Variants in TMEM165 observed in about 807,000 individuals in gnomAD.
The protein encoded by TMEM165 is putative divalent cation/proton antiporter TMEM165.
In TMEM165, 19 loss-of-function variants were observed where a neutral mutation model predicts 30.0. The ratio of observed to expected loss-of-function variants is 0.63; its 90% CI spans 0.44 to 0.93. The LOEUF (loss-of-function observed/expected upper bound fraction) is 0.93. Ranked by LOEUF, TMEM165 falls within the 40% of genes least tolerant of loss-of-function variation. The pLI, the probability that TMEM165 is intolerant of heterozygous loss-of-function variation, is 0.00. For missense variants in TMEM165, 340 were observed against 417.0 expected (o/e 0.82, Z 1.61); for synonymous variants, 168 against 162.9 (o/e 1.03, Z -0.24).
chr4:55,435,958 G>C (rs1246341273), intron 3 of TMEM165, among the ~76,000 whole-genome samples: 1 of 152,126 alleles, frequency 6.6e-6, no homozygotes, highest in Non-Finnish European at 1.5e-5. Context: ...AATACTCTGA[G>C]GCCAGACAGA....
chr4:55,451,489 T>G (rs12500601), intron 3 of TMEM165, among the ~76,000 whole-genome samples: 48,790 of 151,938 alleles, frequency 0.32, 8,194 homozygotes, highest in East Asian at 0.59. Flanking sequence ...TCAAAATTCA[T>G]GATTTTGAAA....
At chr4:55,402,665 C>A (rs1721072677) in intron 1 of TMEM165, among the ~76,000 whole-genome samples, 1 of 145,400 alleles carries the variant, frequency 6.9e-6, no homozygotes, top group Non-Finnish European at 1.5e-5. Context: ...CCAGGCTGGT[C>A]TCAAGCTCCC....
rs1456047148 is a variant in TMEM165 at position 55,401,548 on chromosome 4, TATC to T, written c.207+5155_207+5157del. Reference sequence around the variant, plus strand: ...TACCTGACTCAGTGCCTGTTCTTGTTATCATATTTTTACTTTATGTTTTGGTAT... The same window carrying T: ...TACCTGACTCAGTGCCTGTTCTTGTTATATTTTTACTTTATGTTTTGGTAT... On this transcript the variant is annotated intron_variant, in intron 1 of 5. Coordinates refer to ENST00000381334, the MANE Select transcript of TMEM165 (RefSeq NM_018475.5). Among the ~76,000 whole-genome samples the T allele has an allele frequency of 1.3e-5, 2 of 150,760 alleles. 1 individual carries two copies. The highest frequency in any genetic ancestry group is 5.0e-5 in the African/African-American group (2 of 40,058).
At position 55,425,431 on chromosome 4, in the gene TMEM165, A is replaced by C; in HGVS notation, c.954A>C (p.Ile318=). 6 of 1,609,642 alleles carry C rather than the reference A, an allele frequency of 3.7e-6. No homozygotes were observed. The highest frequency in any genetic ancestry group is 5.1e-6 in the Non-Finnish European group (6 of 1,178,700). The change falls in exon 6 of 6, where the codon ATA becomes ATC. Residue 318 remains isoleucine, a synonymous_variant. Transcript: ENST00000381334. ...CGTTTGCATTTTCTGCACTATTTAT[A>C]AGCCCTGATTCTGGTTTTTAACAAG... ...FLAFAFSALF[I]SPDSGF
At chr4:55,449,262 G>GTT (rs1330140876) in intron 3 of TMEM165, 1 of 764,546 alleles carries the variant, frequency 1.3e-6, no homozygotes, top group Non-Finnish European at 2.2e-6. Flanking sequence ...GAAGTCTTAA[G>GTT]TAAGTGTCAC....
chr4:55,408,500 TTA>T (rs975540611), intron 1 of TMEM165, among the ~76,000 whole-genome samples: 7 of 152,144 alleles, frequency 4.6e-5, no homozygotes, highest in African/African-American at 1.7e-4. Context: ...TTGTAACATT[TTA>T]TATATATAAA....
intron 3 of TMEM165, chr4:55,444,703 A>G (rs1320960358): frequency 6.2e-7 from 1 of 1,614,084 alleles, no homozygotes; most frequent in Admixed American, 1.7e-5. Flanking sequence ...TTGCCGATGA[A>G]TATTTGCTTC....
At position 55,424,854 on chromosome 4, in the gene TMEM165, G is replaced by A. The variant is rs374866141; in HGVS notation, c.898+211G>A. On this transcript the variant is annotated intron_variant, in intron 5 of 5. Coordinates refer to ENST00000381334, the MANE Select transcript of TMEM165 (RefSeq NM_018475.5). ...AGCAAAATACAAAGTCATTTTTATC[G>A]AATTCATAGTAGCTTCTTGTTAACA... is the stretch of plus-strand genomic sequence containing the variant. 68 of 519,882 alleles carry A rather than the reference G, an allele frequency of 1.3e-4. No homozygotes were observed. The South Asian group carries it at 1.6e-3, about 12-fold the overall frequency. The allele number at this position is 519,882 out of a possible 1,614,324, so 32.2% of individuals were successfully genotyped here.
intron 3 of TMEM165, chr4:55,448,768 C>T (rs755471953): frequency 6.2e-7 from 1 of 1,611,226 alleles, no homozygotes; most frequent in Non-Finnish European, 8.5e-7. Context: ...GAAACAAAAA[C>T]CAAAAAGTAC....
chr4:55,435,161 C>T, intron 3 of TMEM165: 1 of 500,288 alleles, frequency 2.0e-6, no homozygotes. Flanking sequence ...CTTTTTCCAT[C>T]AAAAAATATC....
downstream of TMEM165, chr4:55,429,161 T>G (rs992628163): frequency 2.0e-5 from 3 of 147,540 alleles, no homozygotes; most frequent in African/African-American, 7.5e-5. Flanking sequence ...TTATAAACAT[T>G]TGAATGTCAT....
chr4:55,439,944 G>A (rs11133379), intron 3 of TMEM165, among the ~76,000 whole-genome samples: 88,789 of 151,828 alleles, frequency 0.58, 27,554 homozygotes, highest in South Asian at 0.81. Flanking sequence ...ATCGTACTCA[G>A]TGACAATGAA....
At chr4:55,424,431 T>C (rs1385251152) in intron 4 of TMEM165, 107 bp from the exon 5 acceptor site, 7 of 677,518 alleles carry the variant, frequency 1.0e-5, no homozygotes, top group South Asian at 3.5e-5. Flanking sequence ...ATAACTATTA[T>C]GCTTTTTAAT....
At chr4:55,423,616 TCTCA>T (rs960937886) in intron 4 of TMEM165, 4 of 152,312 alleles carry the variant, frequency 2.6e-5, no homozygotes, top group African/African-American at 9.7e-5. Flanking sequence ...AGAGACAAGG[TCTCA>T]CTGTGTTGCC....
chr4:55,424,732 C>A, intron 5 of TMEM165, 89 bp downstream of exon 5: 2 of 862,266 alleles, frequency 2.3e-6, no homozygotes, highest in South Asian at 1.6e-5. Flanking sequence ...ATTTCTGCTG[C>A]TGAAGTATAC....
intron 3 of TMEM165, chr4:55,434,106 G>GACACCC (rs1247253750): frequency 6.6e-6 from 1 of 152,570 alleles, no homozygotes; most frequent in African/African-American, 2.4e-5. Flanking sequence ...TAATGACACT[G>GACACCC]ACACCCACAT....
At chr4:55,438,484 C>A (rs760550527) in intron 3 of TMEM165, 7 of 1,613,778 alleles carry the variant, frequency 4.3e-6, no homozygotes, top group Non-Finnish European at 5.9e-6. Flanking sequence ...GACTGCCCCA[C>A]AAGCTACAGG....
At chr4:55,427,051 TTTGA>T (rs1722238849), downstream of TMEM165, among the ~76,000 whole-genome samples, 1 of 71,254 alleles carries the variant, frequency 1.4e-5, no homozygotes, top group Non-Finnish European at 2.9e-5. Flanking sequence ...TTTTTTTTTT[TTTGA>T]GAGAGTCTCA....
rs145730945 is a variant in TMEM165, at chr4:55,396,966, G to C, written c.207+570G>C. 6.2e-3 allele frequency among the ~76,000 whole-genome samples: 952 copies of C among 152,326 alleles called. 4 individuals are homozygous for C. Among genetic ancestry groups the C allele is most frequent in the South Asian group, 0.019 (93 of 4,828 alleles). ...GTCTCCGGCAGTACAGCGTGCTGCA[G>C]CGATGTGGGATGCCAAAACTACATT... On this transcript the variant is annotated intron_variant, in intron 1 of 5. Coordinates refer to ENST00000381334, the MANE Select transcript of TMEM165 (RefSeq NM_018475.5).
Sources: allele counts gnomAD v4.1 joint callset (sites outside exome capture counted in the v4.1 genomes callset), GRCh38; gene constraint gnomAD v4.1.1; transcripts MANE v1.5; gene names NCBI Gene and HGNC (gene_info 2026-07-23, HGNC 2026-07-21).